Variants in DHX15 observed in about 807,000 individuals in gnomAD.
DHX15 encodes the protein ATP-dependent RNA helicase DHX15.
Under a neutral mutation model 94.4 loss-of-function variants are expected in DHX15, and 11 were observed. The ratio of observed to expected loss-of-function variants is 0.12; its 90% CI spans 0.07 to 0.19. The LOEUF (loss-of-function observed/expected upper bound fraction) is 0.19. Among genes scored for constraint, DHX15 ranks in the 10% least tolerant of loss-of-function variants. DHX15 has a pLI of 1.00. For synonymous variants in DHX15, 338 were observed against 329.9 expected (o/e 1.02, Z -0.27); for missense variants, 304 against 988.5 (o/e 0.31, Z 9.29).
chr4:24,569,651 T>C (rs1388873080), intron 3 of DHX15, among the ~76,000 whole-genome samples: 2 of 148,192 alleles, frequency 1.3e-5, no homozygotes, highest in Admixed American at 1.3e-4. Context: ...ATTAACACTA[T>C]ATATCTCTCT....
chr4:24,562,312 C>CG (rs1721893467), intron 3 of DHX15, among the ~76,000 whole-genome samples: 1 of 152,086 alleles, frequency 6.6e-6, no homozygotes, highest in African/African-American at 2.4e-5. Context: ...ATTAGATTTA[C>CG]TGTTCTCCAT....
At chr4:24,532,432 G>A (rs1442053832) in intron 12 of DHX15, among the ~76,000 whole-genome samples, 1 of 152,092 alleles carries the variant, frequency 6.6e-6, no homozygotes, top group African/African-American at 2.4e-5. Flanking sequence ...ATGTACTTTT[G>A]GATCCGCTCA....
chr4:24,541,444 G>A (rs1445143858), intron 8 of DHX15, among the ~76,000 whole-genome samples: 1 of 152,032 alleles, frequency 6.6e-6, no homozygotes, highest in East Asian at 1.9e-4. Context: ...GAATATTGAT[G>A]CTGGCAATTT....
At chr4:24,550,094 CAAAAAAAAAAAAAAAAA>C (rs58459661) in intron 5 of DHX15, among the ~76,000 whole-genome samples, 1 of 49,734 alleles carries the variant, frequency 2.0e-5, no homozygotes, top group Non-Finnish European at 3.4e-5. Context: ...AACTCCGTCT[CAAAAAAAAAAAAAAAAA>C]AAAAAAAAAA....
At chr4:24,566,864 T>C (rs1177810323) in intron 3 of DHX15, among the ~76,000 whole-genome samples, 1 of 152,146 alleles carries the variant, frequency 6.6e-6, no homozygotes, top group African/African-American at 2.4e-5. Context: ...TCTTCCCACC[T>C]AAACTTATTC....
At position 24,553,094 on chromosome 4, in the gene DHX15, G is replaced by A. The variant is rs1053394993; in HGVS notation, c.1080+1631C>T. Among the ~76,000 whole-genome samples, 7 of 152,182 alleles carry A rather than the reference G, an allele frequency of 4.6e-5. No homozygotes were observed. The South Asian group carries it at 6.2e-4, about 14-fold the overall frequency. ...TCCCAGCACTTTGGGAGGCCGAGGC[G>A]GGTGGATCACCTGAAGTTGGGAGTT... On this transcript the variant is annotated intron_variant, in intron 5 of 13. Transcript: ENST00000336812.
chr4:24,540,668 A>G lies in DHX15; in HGVS notation c.1594+172T>C, dbSNP rs180897485. Among the ~76,000 whole-genome samples, 18 of 152,150 alleles carry G rather than the reference A, an allele frequency of 1.2e-4. No homozygotes were observed. In the East Asian group the frequency reaches 2.7e-3, roughly 23 times the overall value. ...GAAGAAAAAAAAAAAATGTGCTCAT[A>G]TAACTGTCACCTTTTTTAGTTTTAA... On this transcript the variant is annotated intron_variant, in intron 9 of 13. Coordinates refer to ENST00000336812, the MANE Select transcript of DHX15 (RefSeq NM_001358.3).
intron 6 of DHX15, among the ~76,000 whole-genome samples, chr4:24,544,583 T>C (rs936747560): frequency 2.6e-5 from 4 of 152,272 alleles, no homozygotes; most frequent in East Asian, 1.9e-4. Flanking sequence ...CAGGTGAAAC[T>C]TGAATAAGCA....
In DHX15 at chr4:24,558,277, C is replaced by T. The variant is rs535922886; in HGVS notation, c.702-1867G>A. ...TACAAGACCTCAGTAGATTGTGAGA[C>T]ACATTGTAACTTCAGACAATAAAAA... On this transcript the variant is annotated intron_variant, in intron 3 of 13. Transcript: ENST00000336812. 1.1e-4 allele frequency among the ~76,000 whole-genome samples: 16 copies of T among 152,196 alleles called. No homozygotes were observed. In the South Asian group the frequency reaches 2.9e-3, roughly 28 times the overall value.
chr4:24,554,956 A>G lies in DHX15; in HGVS notation c.862-13T>C. 1 of 1,601,474 alleles carries G rather than the reference A, an allele frequency of 6.2e-7. No individual in the cohort carries two copies. Among genetic ancestry groups the G allele is most frequent in the African/African-American group, 1.3e-5 (1 of 74,730 alleles). ...TCATAACTATAACCTGAAAGAAAAC[A>G]GTAAATTATTTGAAGCTGTCTTCAA... On this transcript the variant is annotated splice_polypyrimidine_tract_variant and intron_variant, in intron 4 of 13. Coordinates refer to ENST00000336812, the MANE Select transcript of DHX15 (RefSeq NM_001358.3).
In DHX15 at chr4:24,528,048, A is replaced by G; in HGVS notation, c.2271-7T>C. 1.3e-6 allele frequency: 2 copies of G among 1,597,652 alleles called. No homozygotes were observed. The highest frequency in any genetic ancestry group is 1.1e-5 in the South Asian group (1 of 90,728). On this transcript the variant is annotated splice_region_variant and splice_polypyrimidine_tract_variant and intron_variant, in intron 13 of 13. Coordinates refer to ENST00000336812, the MANE Select transcript of DHX15 (RefSeq NM_001358.3). ...AGGGGCAATTTTCACCAACCTGTTT[A>G]GAAGTGGGCAGAAAAATTTCCAAAT...
intron 3 of DHX15, among the ~76,000 whole-genome samples, chr4:24,558,538 T>C (rs967173906): frequency 1.3e-5 from 2 of 152,136 alleles, no homozygotes; most frequent in African/African-American, 4.8e-5. Flanking sequence ...AATGGAAATA[T>C]TTTATTGTGC....
intron 1 of DHX15, chr4:24,584,098 C>T: frequency 1.8e-6 from 1 of 557,874 alleles, no homozygotes; most frequent in Non-Finnish European, 3.1e-6. Flanking sequence ...GGCCTCTCCA[C>T]CCTCCGGACT....
intron 2 of DHX15, among the ~76,000 whole-genome samples, chr4:24,574,058 T>C (rs1321087128): frequency 8.1e-6 from 1 of 123,312 alleles, no homozygotes; most frequent in Non-Finnish European, 1.8e-5. Flanking sequence ...AAAAAAAAAA[T>C]AGCCAGGCAT....
At chr4:24,579,875 C>T (rs13435232) in intron 1 of DHX15, among the ~76,000 whole-genome samples, 5,206 of 152,236 alleles carry the variant, frequency 0.034, 273 homozygotes, top group African/African-American at 0.11. Flanking sequence ...AAGCGATTCT[C>T]CTGCCTCAGC....
At position 24,584,481 on chromosome 4, in the gene DHX15, A is replaced by C; in HGVS notation, c.-88T>G. On this transcript the variant is annotated 5_prime_UTR_variant, in exon 1 of 14. Coordinates refer to ENST00000336812, the MANE Select transcript of DHX15 (RefSeq NM_001358.3). ...GAGGACAGCCACTTAACTCTGGAGGACCCCCACCCCTCCCGCTACTACAGC... is the reference window on the plus strand; with the variant it reads ...GAGGACAGCCACTTAACTCTGGAGGCCCCCCACCCCTCCCGCTACTACAGC... 7.9e-7 allele frequency: 1 copy of C among 1,260,200 alleles called. No individual in the cohort carries two copies. The highest frequency in any genetic ancestry group is 1.1e-6 in the Non-Finnish European group (1 of 905,672). 78.1% of individuals were successfully genotyped at this position (1,260,200 alleles called of 1,614,324 possible).
chr4:24,573,922 G>A (rs1722179255), intron 2 of DHX15, among the ~76,000 whole-genome samples: 1 of 145,168 alleles, frequency 6.9e-6, no homozygotes, highest in African/African-American at 2.5e-5. Context: ...ATGGCCCGGT[G>A]CAGTGGCTTG....
intron 2 of DHX15, among the ~76,000 whole-genome samples, chr4:24,574,817 T>C (rs1226640758): frequency 6.6e-6 from 1 of 152,222 alleles, no homozygotes; most frequent in Non-Finnish European, 1.5e-5. Flanking sequence ...AATTAAATAG[T>C]AAGTTCAGAG....
chr4:24,566,698 C>T lies in DHX15; in HGVS notation c.701+3956G>A, dbSNP rs147781470. Among the ~76,000 whole-genome samples, 976 of 152,200 alleles carry T rather than the reference C, an allele frequency of 6.4e-3. 8 individuals are homozygous for T. Among genetic ancestry groups the T allele is most frequent in the Non-Finnish European group, 8.2e-3 (558 of 68,018 alleles). On this transcript the variant is annotated intron_variant, in intron 3 of 13. Transcript: ENST00000336812. ...AAAAGTAGCTGGGCATGGTGGCACA[C>T]GCCTGTAATCTCAGCTACTCGGGAG... is the stretch of plus-strand genomic sequence containing the variant.
Sources: gnomAD v4.1 joint callset for allele counts (sites outside exome capture counted in the v4.1 genomes callset) on GRCh38, gnomAD v4.1.1 for gene constraint, MANE v1.5 for transcripts, NCBI Gene and HGNC (gene_info 2026-07-23, HGNC 2026-07-21) for gene names.